Variants in CACNA1I observed in about 807,000 individuals in gnomAD.
CACNA1I encodes the protein calcium voltage-gated channel subunit alpha1 I.
Under a neutral mutation model 201.6 loss-of-function variants are expected in CACNA1I, and 74 were observed. The observed-to-expected ratio is 0.37, with a 90% CI of 0.30 to 0.45. CACNA1I has a LOEUF of 0.45. Ranked by LOEUF, CACNA1I falls within the 20% of genes least tolerant of loss-of-function variation. The pLI, the probability that CACNA1I is intolerant of heterozygous loss-of-function variation, is 1.00. For missense variants in CACNA1I, 2,346 were observed against 3,138.1 expected, an observed-to-expected ratio of 0.75 and a Z score of 6.03; for synonymous variants, 1,431 against 1,345.2, an observed-to-expected ratio of 1.06 and a Z score of -1.40.
In CACNA1I at chr22:39,689,322, C is replaced by CAGA. The variant is rs1935971013; in HGVS notation, c.*2917_*2918insAGA. The CAGA allele has an allele frequency of 6.5e-6, 1 of 152,898 alleles. No individual in the cohort carries two copies. The highest frequency in any genetic ancestry group is 6.5e-5 in the Admixed American group (1 of 15,294). 9.5% of individuals were successfully genotyped at this position (152,898 alleles called of 1,614,324 possible). Reference sequence around the variant, plus strand: ...TTAAAGGAGGACAAAGTGTGTAAAGCCCGTCTGCTGTCTTCCCCCAAATCC... The same window carrying CAGA: ...TTAAAGGAGGACAAAGTGTGTAAAGCAGACCGTCTGCTGTCTTCCCCCAAATCC... On this transcript the variant is annotated 3_prime_UTR_variant, in exon 37 of 37. Coordinates refer to ENST00000402142, the MANE Select transcript of CACNA1I (RefSeq NM_021096.4).
intron 33 of CACNA1I, 57 bp downstream of exon 33, chr22:39,679,925 G>A: frequency 2.6e-6 from 4 of 1,548,080 alleles, no homozygotes; most frequent in Non-Finnish European, 3.5e-6. Context: ...GAAACCTGGT[G>A]GGGGGCCTGT....
At chr22:39,644,802 C>CA (rs1934438986) in intron 7 of CACNA1I, among the ~76,000 whole-genome samples, 1 of 152,182 alleles carries the variant, frequency 6.6e-6, no homozygotes, top group African/African-American at 2.4e-5. Context: ...ATCATCCCCC[C>CA]TCAGCTTCCT....
intron 1 of CACNA1I, chr22:39,587,660 G>T: frequency 2.4e-6 from 1 of 424,378 alleles, no homozygotes; most frequent in East Asian, 7.6e-5. Context: ...CTTGGGCAAG[G>T]CTAAGGAACA....
chr22:39,583,031 A>ACCATCCAT lies in CACNA1I; in HGVS notation c.236+12087_236+12094dup, dbSNP rs59155285. On this transcript the variant is annotated intron_variant, in intron 1 of 36. Coordinates refer to ENST00000402142, the MANE Select transcript of CACNA1I (RefSeq NM_021096.4). ...ATCTGTCTTTCCATCCAAGCACCCA[A>ACCATCCAT]CCATCCATCCATCCATCCATCCATC... 9.0e-3 allele frequency among the ~76,000 whole-genome samples: 1,051 copies of ACCATCCAT among 116,526 alleles called. 22 individuals carry two copies. The highest frequency in any genetic ancestry group is 0.027 in the African/African-American group (740 of 27,848). The allele number at this position is 116,526 out of a possible 152,430, so 76.4% of individuals were successfully genotyped here.
At chr22:39,635,390 A>G (rs1934186708) in intron 5 of CACNA1I, among the ~76,000 whole-genome samples, 1 of 152,038 alleles carries the variant, frequency 6.6e-6, no homozygotes, top group South Asian at 2.1e-4. Flanking sequence ...CTGGGAGCCG[A>G]TCCCAAACAC....
At chr22:39,601,512 A>G (rs111951471) in intron 3 of CACNA1I, among the ~76,000 whole-genome samples, 7,708 of 152,186 alleles carry the variant, frequency 0.051, 596 homozygotes, top group African/African-American at 0.17. Context: ...ACCATGCCCA[A>G]GAGTGGGTCA....
At chr22:39,678,995 G>A in intron 31 of CACNA1I, 112 bp from the exon 32 acceptor site, 1 of 794,082 alleles carries the variant, frequency 1.3e-6, no homozygotes, top group Non-Finnish European at 2.0e-6. Flanking sequence ...GGCCATCTCG[G>A]GGGTTGAATC....
At position 39,670,092 on chromosome 22, in the gene CACNA1I, A is replaced by C; in HGVS notation, c.4249A>C (p.Ile1417Leu). Residue 1417 changes from isoleucine (I) to leucine (L), a missense_variant, in exon 25 of 37, where the codon ATC becomes CTC. This residue lies in a region of CACNA1I where 228 missense variants were observed against 395.7 expected (regional missense o/e 0.58). Coordinates refer to ENST00000402142, the MANE Select transcript of CACNA1I (RefSeq NM_021096.4). ...MLLYFISFLL[I>L]VSFFVLNMFV... ...GCTGTACTTCATCTCCTTCCTGCTC[A>C]TCGTCAGCTTCTTTGTGCTCAACAT... 6 of 1,613,576 alleles carry C rather than the reference A, an allele frequency of 3.7e-6. No individual in the cohort carries two copies. Among genetic ancestry groups the C allele is most frequent in the Non-Finnish European group, 5.1e-6 (6 of 1,179,884 alleles).
At chr22:39,621,498 G>A (rs1226644003) in intron 4 of CACNA1I, among the ~76,000 whole-genome samples, 2 of 152,232 alleles carry the variant, frequency 1.3e-5, no homozygotes, top group African/African-American at 2.4e-5. Flanking sequence ...CAGGCCTGGC[G>A]GGGCAGGAGA....
intron 28 of CACNA1I, 138 bp downstream of exon 28, chr22:39,673,220 G>A (rs993477321): frequency 4.3e-6 from 4 of 928,794 alleles, no homozygotes; most frequent in Non-Finnish European, 6.5e-6. Flanking sequence ...GCTCCTTGCT[G>A]AACAGGGGTG....
chr22:39,673,211 C>A, intron 28 of CACNA1I, 129 bp downstream of exon 28: 1 of 1,022,392 alleles, frequency 9.8e-7, no homozygotes, highest in Non-Finnish European at 1.4e-6. Context: ...GCATGGTGGG[C>A]TCCTTGCTGA....
At chr22:39,592,191 C>G (rs954655676) in intron 1 of CACNA1I, among the ~76,000 whole-genome samples, 38 of 152,196 alleles carry the variant, frequency 2.5e-4, no homozygotes, top group African/African-American at 8.7e-4. Flanking sequence ...GCCAAGGAAA[C>G]TCGATTGATT....
chr22:39,675,677 C>T (rs1261577635), intron 29 of CACNA1I, among the ~76,000 whole-genome samples: 1 of 152,178 alleles, frequency 6.6e-6, no homozygotes, highest in African/African-American at 2.4e-5. Context: ...AGCCTCTTCC[C>T]ACCAGTCTCT....
At chr22:39,660,215 C>T (rs1269848650) in intron 14 of CACNA1I, 129 bp from the exon 15 acceptor site, 7 of 663,364 alleles carry the variant, frequency 1.1e-5, no homozygotes, top group Non-Finnish European at 1.8e-5. Flanking sequence ...CATCTCATTT[C>T]CCTTTTCCAA....
At position 39,649,850 on chromosome 22, in the gene CACNA1I, C is replaced by A; in HGVS notation, c.1917C>A (p.Ser639Arg). ...CCAAGCTGCGCGGCATCGTGGACAG[C>A]AAGTACTTCAACCGGGGCATCATGA... is the stretch of plus-strand genomic sequence containing the variant. ...TRAKLRGIVDSKYFNRGIMMA... is the reference protein window; with the variant it reads ...TRAKLRGIVDRKYFNRGIMMA... Residue 639 changes from serine (S) to arginine (R), a missense_variant, in exon 10 of 37, where the codon AGC (serine) becomes AGA (arginine). By Grantham distance (110) the Ser-to-Arg change is moderately radical (BLOSUM62 -1). Transcript: ENST00000402142. This position sits in a 1 kb window ranked among gnomAD's most constrained non-coding sequence, Gnocchi z 7.3. 2 of 1,613,628 alleles carry A rather than the reference C, an allele frequency of 1.2e-6. No individual in the cohort carries two copies. The highest frequency in any genetic ancestry group is 1.7e-6 in the Non-Finnish European group (2 of 1,179,752).
chr22:39,575,169 G>A (rs946943601), intron 1 of CACNA1I, among the ~76,000 whole-genome samples: 1 of 152,272 alleles, frequency 6.6e-6, no homozygotes, highest in African/African-American at 2.4e-5. Flanking sequence ...GATACATTGT[G>A]CTACTTGAAT....
In CACNA1I at chr22:39,649,094, G is replaced by T. The variant is rs1934573075; in HGVS notation, c.1568-407G>T. Among the ~76,000 whole-genome samples, 2 of 152,242 alleles carry T rather than the reference G, an allele frequency of 1.3e-5. No individual in the cohort carries two copies. The highest frequency in any genetic ancestry group is 1.3e-4 in the Admixed American group (2 of 15,290). On this transcript the variant is annotated intron_variant, in intron 9 of 36. Coordinates refer to ENST00000402142, the MANE Select transcript of CACNA1I (RefSeq NM_021096.4). The surrounding 1 kb of genome is among the most constrained non-coding windows in gnomAD (Gnocchi z 7.3). ...ACCATGGCCTTCTCTGACGGGGGCT[G>T]CCCCCACATTGGCCTGACTCTTTCA...
At chr22:39,680,498 G>A (rs1473607787) in intron 33 of CACNA1I, among the ~76,000 whole-genome samples, 1 of 152,218 alleles carries the variant, frequency 6.6e-6, no homozygotes, top group Non-Finnish European at 1.5e-5. Flanking sequence ...CCTGCCCTGT[G>A]GTGGCTGCAG....
intron 26 of CACNA1I, 29 bp downstream of exon 26, chr22:39,670,983 G>A: frequency 5.0e-6 from 8 of 1,611,102 alleles, no homozygotes; most frequent in Non-Finnish European, 6.8e-6. Context: ...CCCAGCCCAA[G>A]GTTACAAGGT....
Sources: gnomAD v4.1 joint callset for allele counts (sites outside exome capture counted in the v4.1 genomes callset) on GRCh38, gnomAD v4.1.1 for gene constraint, gnomAD v4.1.1 regional missense constraint, Gnocchi (gnomAD v3.1) non-coding constraint, MANE v1.5 for transcripts, NCBI Gene and HGNC (gene_info 2026-07-23, HGNC 2026-07-21) for gene names.